The following ABI3BP variants were observed in gnomAD, a reference collection of about 807,000 sequenced individuals.
The protein encoded by ABI3BP is ABI family member 3 binding protein.
In ABI3BP, 216 loss-of-function variants were observed where a neutral mutation model predicts 268.6. That is an observed-to-expected ratio of 0.80 (90% CI 0.72 to 0.90). ABI3BP has a LOEUF of 0.90. ABI3BP is among the 40% of genes least tolerant of loss of function. The pLI is 0.00. For synonymous variants in ABI3BP, 730 were observed against 730.0 expected (o/e 1.00, Z 0.00); for missense variants, 2,090 against 2,182.4 (o/e 0.96, Z 0.84).
chr3:100,867,014 T>C, intron 9 of ABI3BP, 58 bp from the exon 10 acceptor site: 1 of 1,300,938 alleles, frequency 7.7e-7, no homozygotes, highest in Non-Finnish European at 1.1e-6. Flanking sequence ...AATACCTCCC[T>C]CAATGCATAA....
intron 9 of ABI3BP, among the ~76,000 whole-genome samples, chr3:100,870,613 C>A (rs1158025355): frequency 1.3e-5 from 2 of 152,086 alleles, no homozygotes; most frequent in Non-Finnish European, 2.9e-5. Context: ...TAAATTGGTG[C>A]AGCTATTATA....
chr3:100,805,480 A>G (rs55792155), intron 50 of ABI3BP, among the ~76,000 whole-genome samples: 21,055 of 152,144 alleles, frequency 0.14, 1,898 homozygotes, highest in South Asian at 0.27. Context: ...TATAATAGAC[A>G]CCAGGAAAAT....
chr3:100,874,520 C>T (rs1043019658), intron 9 of ABI3BP, among the ~76,000 whole-genome samples: 3 of 151,978 alleles, frequency 2.0e-5, no homozygotes, highest in African/African-American at 4.8e-5. Context: ...AATACCTAGT[C>T]GCCCCATAAT....
chr3:100,864,992 A>G (rs1216940066), intron 10 of ABI3BP, 85 bp from the exon 11 acceptor site: 1 of 1,005,400 alleles, frequency 9.9e-7, no homozygotes, highest in African/African-American at 1.6e-5. Context: ...GCCTTTTAGA[A>G]TTAGTGGCTG....
chr3:100,778,806 C>T (rs915239816), intron 58 of ABI3BP, among the ~76,000 whole-genome samples: 2 of 152,156 alleles, frequency 1.3e-5, no homozygotes, highest in Admixed American at 1.3e-4. Flanking sequence ...GGAAGATGTG[C>T]ATGGGTTATA....
chr3:100,846,095 G>A (rs1015142931), intron 20 of ABI3BP, among the ~76,000 whole-genome samples: 3 of 152,028 alleles, frequency 2.0e-5, no homozygotes, highest in Non-Finnish European at 4.4e-5. Context: ...CACTGGTATT[G>A]GAAACTATTT....
intron 30 of ABI3BP, among the ~76,000 whole-genome samples, chr3:100,832,615 C>T (rs1329746149): frequency 3.3e-5 from 5 of 151,994 alleles, no homozygotes; most frequent in African/African-American, 9.7e-5. Flanking sequence ...GTCCCTAACC[C>T]AAATCACTGC....
At position 100,840,092 on chromosome 3, in the gene ABI3BP, T is replaced by G. The variant is rs898195575; in HGVS notation, c.1877A>C (p.Glu626Ala). 2 of 1,478,380 alleles carry G rather than the reference T, an allele frequency of 1.4e-6. No individual in the cohort carries two copies. Among genetic ancestry groups the G allele is most frequent in the African/African-American group, 2.9e-5 (2 of 69,404 alleles). The allele number at this position is 1,478,380 out of a possible 1,614,324, so 91.6% of individuals were successfully genotyped here. The change falls in exon 23 of 68, where the codon GAA (glutamate) becomes GCA (alanine). Residue 626 changes from glutamate to alanine, a missense_variant. Physicochemically the swap from Glu to Ala is moderately radical, Grantham distance 107. Transcript: ENST00000471714. ...TTTACCGGGTTTGGACTTGGGCACT[T>G]CTGGACTAGGTGTGGTTTTAGGGCG... ...RPRPKTTPSP[E>A]VPKSKPALEP...
intron 2 of ABI3BP, among the ~76,000 whole-genome samples, chr3:100,921,341 G>C (rs1208072111): frequency 6.6e-6 from 1 of 152,190 alleles, no homozygotes; most frequent in Non-Finnish European, 1.5e-5. Flanking sequence ...AGGTGACACT[G>C]ATTAAAGTGT....
At chr3:100,784,515 A>G (rs2096965743) in intron 57 of ABI3BP, among the ~76,000 whole-genome samples, 1 of 152,226 alleles carries the variant, frequency 6.6e-6, no homozygotes, top group Non-Finnish European at 1.5e-5. Context: ...CAACCCAGCA[A>G]TACTACTACT....
At chr3:100,930,495 C>A (rs1034606319) in intron 1 of ABI3BP, among the ~76,000 whole-genome samples, 1 of 151,494 alleles carries the variant, frequency 6.6e-6, no homozygotes, top group Non-Finnish European at 1.5e-5. Context: ...AAAAGTCTTT[C>A]TCAGAAATGA....
In ABI3BP at chr3:100,776,512, C is replaced by T. The variant is rs1244301674; in HGVS notation, c.4334-1177G>A. Among the ~76,000 whole-genome samples, 6 of 152,190 alleles carry T rather than the reference C, an allele frequency of 3.9e-5. No homozygotes were observed. In the East Asian group the frequency reaches 1.2e-3, roughly 29 times the overall value. ...ATCTGGAGATTGAGGGCAAGTGGCA[C>T]ATGTCACATGGTGGCAGCCCCAGAC... is the stretch of plus-strand genomic sequence containing the variant. On this transcript the variant is annotated intron_variant, in intron 59 of 67. Transcript: ENST00000471714.
chr3:100,844,715 A>T (rs1226908105), intron 20 of ABI3BP, among the ~76,000 whole-genome samples: 1 of 151,694 alleles, frequency 6.6e-6, no homozygotes, highest in East Asian at 1.9e-4. Context: ...GGACCATTCA[A>T]GGTCCATTTG....
chr3:100,955,554 T>C (rs1343589139), intron 1 of ABI3BP, among the ~76,000 whole-genome samples: 2 of 152,196 alleles, frequency 1.3e-5, no homozygotes, highest in African/African-American at 4.8e-5. Context: ...TCCTCCATTG[T>C]TTGGATAATA....
chr3:100,751,643 G>T lies in ABI3BP; in HGVS notation c.5154C>A (p.Gly1718=). The change falls in exon 67 of 68, where the codon GGC becomes GGA. Residue 1718 remains glycine, a synonymous_variant. Transcript: ENST00000471714. Reference sequence around the variant, plus strand: ...CAAACTGGCAGTGATCTTCTCCATGGCCCCTCTGATCACCTATGTTATAAA... The same window carrying T: ...CAAACTGGCAGTGATCTTCTCCATGTCCCCTCTGATCACCTATGTTATAAA... The part of the protein sequence containing the change: ...GKFYNIGDQR[G]HGEDHCQFVD... 1 of 1,604,234 alleles carries T rather than the reference G, an allele frequency of 6.2e-7. No individual in the cohort carries two copies. The highest frequency in any genetic ancestry group is 1.1e-5 in the South Asian group (1 of 88,964).
chr3:100,779,451 G>A (rs2096803106), intron 58 of ABI3BP, among the ~76,000 whole-genome samples: 1 of 152,222 alleles, frequency 6.6e-6, no homozygotes, highest in African/African-American at 2.4e-5. Flanking sequence ...TGAGGTCAAA[G>A]GTGCTTGGAG....
At chr3:100,860,297 A>C (rs1341686206) in intron 14 of ABI3BP, among the ~76,000 whole-genome samples, 1 of 152,232 alleles carries the variant, frequency 6.6e-6, no homozygotes, top group African/African-American at 2.4e-5. Flanking sequence ...GCTAATGTTA[A>C]TATGTGCAAT....
At chr3:100,765,708 A>AT in intron 63 of ABI3BP, 133 bp downstream of exon 63, 10 of 675,110 alleles carry the variant, frequency 1.5e-5, no homozygotes, top group Middle Eastern at 2.5e-4. Context: ...AGTGCTATAT[A>AT]TAGAAAACCC....
At chr3:100,882,788 A>C (rs1447881069) in intron 6 of ABI3BP, among the ~76,000 whole-genome samples, 12 of 152,158 alleles carry the variant, frequency 7.9e-5, no homozygotes, top group Non-Finnish European at 1.2e-4. Flanking sequence ...GCCAAGACAA[A>C]TACAAATTAC....
Sources: gnomAD v4.1 joint callset for allele counts (sites outside exome capture counted in the v4.1 genomes callset) on GRCh38, gnomAD v4.1.1 for gene constraint, MANE v1.5 for transcripts, NCBI Gene and HGNC (gene_info 2026-07-23, HGNC 2026-07-21) for gene names.